The following KAZN variants were observed in gnomAD, a reference collection of about 807,000 sequenced individuals.
KAZN encodes the protein kazrin, periplakin interacting protein.
In KAZN, 40 loss-of-function variants were observed where a neutral mutation model predicts 87.4. The ratio of observed to expected loss-of-function variants is 0.46; its 90% CI spans 0.36 to 0.60. The LOEUF (loss-of-function observed/expected upper bound fraction) is 0.60. Among genes scored for constraint, KAZN ranks in the 20% least tolerant of loss-of-function variants. The pLI is 0.00. For missense variants in KAZN, 898 were observed against 1,073.9 expected (o/e 0.84, Z 2.29); for synonymous variants, 466 against 458.3 (o/e 1.02, Z -0.22).
intron 1 of KAZN, among the ~76,000 whole-genome samples, chr1:14,875,228 G>T (rs1572703947): frequency 6.6e-6 from 1 of 151,596 alleles, no homozygotes; most frequent in South Asian, 2.1e-4. Flanking sequence ...CTACTCAGGA[G>T]GCTGAGGCAG....
chr1:14,721,596 C>T (rs1000599813), intron 1 of KAZN, among the ~76,000 whole-genome samples: 7 of 152,192 alleles, frequency 4.6e-5, no homozygotes, highest in African/African-American at 9.7e-5. Context: ...TCAAGGATGA[C>T]ATTTCAATGC....
At chr1:15,104,272 C>T in intron 13 of KAZN, 83 bp downstream of exon 13, 1 of 1,315,142 alleles carries the variant, frequency 7.6e-7, no homozygotes, top group Non-Finnish European at 1.0e-6. Flanking sequence ...TCCAGCTCCC[C>T]ATCCTGGCCC....
chr1:14,649,263 C>A (rs1358047835), intron 1 of KAZN, among the ~76,000 whole-genome samples: 2 of 152,222 alleles, frequency 1.3e-5, no homozygotes, highest in Non-Finnish European at 2.9e-5. Context: ...TGATAGAGAA[C>A]TTGCTTTATG....
At position 14,035,944 on chromosome 1, in the gene KAZN, C is replaced by G. The variant is rs966824876; in HGVS notation, c.91+142188C>G. On this transcript the variant is annotated intron_variant, in intron 1 of 16. Transcript: ENST00000636203. Reference sequence around the variant, plus strand: ...GGAGAAAATCATTTCCTAGGATTATCCCTTGGCAGGCTCAGGCTTCAGGCT... The same window carrying G: ...GGAGAAAATCATTTCCTAGGATTATGCCTTGGCAGGCTCAGGCTTCAGGCT... Among the ~76,000 whole-genome samples, 11 of 152,182 alleles carry G rather than the reference C, an allele frequency of 7.2e-5. No homozygotes were observed. The East Asian group carries it at 1.7e-3, about 24-fold the overall frequency.
At chr1:15,069,828 C>G (rs530870565) in intron 8 of KAZN, among the ~76,000 whole-genome samples, 1 of 152,276 alleles carries the variant, frequency 6.6e-6, no homozygotes, top group East Asian at 1.9e-4. Flanking sequence ...TTTCAATACA[C>G]AAGCTGCATG....
intron 1 of KAZN, among the ~76,000 whole-genome samples, chr1:14,896,408 T>A (rs1342567962): frequency 6.6e-6 from 1 of 152,210 alleles, no homozygotes; most frequent in African/African-American, 2.4e-5. Context: ...TGGCTTGATT[T>A]GTAATATCAG....
chr1:14,468,019 G>A (rs1021937988), intron 2 of KAZN, among the ~76,000 whole-genome samples: 3 of 152,114 alleles, frequency 2.0e-5, no homozygotes, highest in African/African-American at 7.2e-5. Flanking sequence ...GACCAATATG[G>A]TCTGAGAGGA....
intron 2 of KAZN, among the ~76,000 whole-genome samples, chr1:14,228,445 G>A (rs1647494538): frequency 1.3e-5 from 2 of 152,142 alleles, no homozygotes; most frequent in Admixed American, 6.5e-5. Flanking sequence ...ATGACAATGT[G>A]ACCTCACCTA....
chr1:13,913,851 G>T (rs1236644667), intron 1 of KAZN, among the ~76,000 whole-genome samples: 1 of 152,154 alleles, frequency 6.6e-6, no homozygotes. Context: ...ATTCAACAAG[G>T]ATCACCAGAG....
intron 2 of KAZN, among the ~76,000 whole-genome samples, chr1:14,531,157 A>G (rs1378871478): frequency 2.0e-5 from 3 of 152,174 alleles, no homozygotes. Flanking sequence ...ACGCATCTCA[A>G]TTGCAGAGTG....
chr1:14,642,630 GTAGGA>G (rs962868363), intron 1 of KAZN, among the ~76,000 whole-genome samples: 8 of 152,166 alleles, frequency 5.3e-5, no homozygotes, highest in African/African-American at 1.9e-4. Context: ...CTATGCCACT[GTAGGA>G]TAACTATAGT....
At chr1:14,387,010 G>A (rs371904563) in intron 2 of KAZN, among the ~76,000 whole-genome samples, 8 of 152,050 alleles carry the variant, frequency 5.3e-5, no homozygotes, top group South Asian at 4.2e-4. Context: ...GGCTTTGCTC[G>A]TTTCTTTTTA....
chr1:14,346,418 G>A (rs558662311), intron 2 of KAZN, among the ~76,000 whole-genome samples: 2 of 152,086 alleles, frequency 1.3e-5, no homozygotes, highest in African/African-American at 2.4e-5. Flanking sequence ...CCTTTGCACC[G>A]GTGTTCTTTC....
At chr1:14,894,858 G>C (rs919047995) in intron 1 of KAZN, among the ~76,000 whole-genome samples, 11 of 152,210 alleles carry the variant, frequency 7.2e-5, no homozygotes, top group Non-Finnish European at 1.3e-4. Context: ...CTTTAATTTG[G>C]GCTGAAGAGT....
chr1:14,367,089 C>T (rs1660062609), intron 2 of KAZN, among the ~76,000 whole-genome samples: 1 of 152,106 alleles, frequency 6.6e-6, no homozygotes, highest in African/African-American at 2.4e-5. Flanking sequence ...ATTAGCGAGG[C>T]GTGGTGGCAC....
intron 1 of KAZN, among the ~76,000 whole-genome samples, chr1:14,834,356 CTTT>C (rs34228625): frequency 0.047 from 4,163 of 88,328 alleles, 75 homozygotes; most frequent in Non-Finnish European, 0.067. Context: ...AAGTCACTTC[CTTT>C]TTTTTTTTTT....
Position 13,893,792 on chromosome 1 carries a change from T to A in KAZN, c.91+36T>A, listed in dbSNP as rs149925919. ...CGTCGTGTGTCATGTGCCCAGAGAA[T>A]GGGAAGTGGAGCGTTATCCCGGGTC... On this transcript the variant is annotated intron_variant, in intron 1 of 16. Transcript: ENST00000636203. 391 of 1,548,770 alleles carry A rather than the reference T, an allele frequency of 2.5e-4. 2 individuals are homozygous for A. The East Asian group carries it at 8.8e-3, about 35-fold the overall frequency.
At chr1:14,155,090 C>T (rs1013852950) in intron 1 of KAZN, among the ~76,000 whole-genome samples, 11 of 151,920 alleles carry the variant, frequency 7.2e-5, no homozygotes, top group Admixed American at 1.3e-4. Context: ...CTAGGTTTTT[C>T]GAATAGTTGG....
chr1:14,143,089 G>C (rs181544809), intron 1 of KAZN, among the ~76,000 whole-genome samples: 2 of 152,210 alleles, frequency 1.3e-5, no homozygotes, highest in African/African-American at 4.8e-5. Flanking sequence ...ACAGCTCTCA[G>C]CATGGCCCCA....
Sources: gnomAD v4.1 joint callset for allele counts (sites outside exome capture counted in the v4.1 genomes callset) on GRCh38, gnomAD v4.1.1 for gene constraint, MANE v1.5 for transcripts, NCBI Gene and HGNC (gene_info 2026-07-23, HGNC 2026-07-21) for gene names.